The following GPC5 variants were observed in gnomAD, a reference collection of about 807,000 sequenced individuals.
GPC5 encodes glypican 5.
GPC5 carries 47 observed loss-of-function variants against 53.9 expected under a neutral mutation model. The observed-to-expected ratio is 0.87, with a 90% CI of 0.69 to 1.11. The LOEUF (loss-of-function observed/expected upper bound fraction) is 1.11, where lower values mean the gene tolerates loss of function less well. Among genes scored for constraint, GPC5 ranks in the 50% most tolerant of loss-of-function variants. The probability of loss-of-function intolerance (pLI) is 0.00; values close to 1 mark genes in which losing one functional copy is unlikely to be tolerated. For synonymous variants in GPC5, 286 were observed against 263.3 expected, an observed-to-expected ratio of 1.09 and a Z score of -0.84; for missense variants, 748 against 713.1, an observed-to-expected ratio of 1.05 and a Z score of -0.56.
At chr13:91,515,416 T>C (rs1885445882) in intron 2 of GPC5, among the ~76,000 whole-genome samples, 1 of 152,178 alleles carries the variant, frequency 6.6e-6, no homozygotes, top group Non-Finnish European at 1.5e-5. Flanking sequence ...GTGCCAGGCA[T>C]CTTCCTCTTG....
chr13:91,727,143 A>T (rs368068101), intron 3 of GPC5, among the ~76,000 whole-genome samples: 1 of 152,232 alleles, frequency 6.6e-6, no homozygotes, highest in Non-Finnish European at 1.5e-5. Context: ...AACTGTGTAC[A>T]TGAGGCCATG....
chr13:92,719,744 C>A (rs896478373), intron 7 of GPC5, among the ~76,000 whole-genome samples: 3 of 152,044 alleles, frequency 2.0e-5, no homozygotes, highest in Admixed American at 2.0e-4. Flanking sequence ...CATAAATCAA[C>A]GTCACATATT....
chr13:92,693,346 T>A (rs541328764), intron 7 of GPC5, among the ~76,000 whole-genome samples: 1 of 152,164 alleles, frequency 6.6e-6, no homozygotes, highest in African/African-American at 2.4e-5. Flanking sequence ...CATAATAAGA[T>A]AGGAGGATGT....
At chr13:92,487,855 A>AAAAG (rs1555338272) in intron 7 of GPC5, among the ~76,000 whole-genome samples, 2 of 146,096 alleles carry the variant, frequency 1.4e-5, no homozygotes, top group African/African-American at 5.1e-5. Context: ...AAAAAAAAAA[A>AAAAG]AAAAAGAAAG....
chr13:91,803,480 T>C (rs941090751), intron 5 of GPC5, among the ~76,000 whole-genome samples: 2 of 152,080 alleles, frequency 1.3e-5, no homozygotes, highest in African/African-American at 4.8e-5. Context: ...TGTATGTGTG[T>C]ATGTATTGGT....
At chr13:92,340,918 T>C (rs1013536521) in intron 7 of GPC5, among the ~76,000 whole-genome samples, 1 of 152,132 alleles carries the variant, frequency 6.6e-6, no homozygotes, top group Non-Finnish European at 1.5e-5. Flanking sequence ...TCAAAAATAT[T>C]ATCTAATGAA....
At chr13:92,865,515 G>A (rs188432527) in intron 7 of GPC5, among the ~76,000 whole-genome samples, 2 of 152,236 alleles carry the variant, frequency 1.3e-5, no homozygotes, top group Non-Finnish European at 2.9e-5. Flanking sequence ...GGGGAAGGGA[G>A]GGGAGATGGT....
chr13:91,935,472 AG>A (rs1049260627), intron 6 of GPC5, among the ~76,000 whole-genome samples: 1 of 152,008 alleles, frequency 6.6e-6, no homozygotes. Context: ...ATGAAGCAGA[AG>A]GGTGGCCCTT....
chr13:92,849,256 GTCTC>G (rs1199073149), intron 7 of GPC5, among the ~76,000 whole-genome samples: 5 of 152,006 alleles, frequency 3.3e-5, no homozygotes, highest in Admixed American at 1.3e-4. Flanking sequence ...AGCAATGACT[GTCTC>G]TCTGTATTTT....
intron 7 of GPC5, among the ~76,000 whole-genome samples, chr13:92,389,307 C>A (rs1874889581): frequency 6.6e-6 from 1 of 152,088 alleles, no homozygotes; most frequent in Non-Finnish European, 1.5e-5. Context: ...CCCTTTGGAA[C>A]AATGAGTTCT....
chr13:92,058,064 G>T (rs188818200), intron 6 of GPC5, among the ~76,000 whole-genome samples: 71 of 152,318 alleles, frequency 4.7e-4, no homozygotes, highest in Non-Finnish European at 9.3e-4. Context: ...TTCTGACTAT[G>T]AATTCCAGAG....
intron 7 of GPC5, among the ~76,000 whole-genome samples, chr13:92,534,802 C>T (rs377093517): frequency 3.3e-5 from 5 of 151,986 alleles, no homozygotes; most frequent in African/African-American, 4.8e-5. Flanking sequence ...AAACAATTCA[C>T]GAATGGTACA....
rs1374477821 is a variant in GPC5, at chr13:92,483,530, T to C, written c.1561+338541T>C. Among the ~76,000 whole-genome samples, 4 of 152,080 alleles carry C rather than the reference T, an allele frequency of 2.6e-5. 1 individual carries two copies. In the South Asian group the frequency reaches 6.2e-4, roughly 24 times the overall value. ...AAGTTACTGTGGGTGAGTCAGTGAG[T>C]GGTGAGTGAATGTGAAGGCCGAGAA... On this transcript the variant is annotated intron_variant, in intron 7 of 7. Transcript: ENST00000377067.
At chr13:91,988,160 G>A (rs997891265) in intron 6 of GPC5, among the ~76,000 whole-genome samples, 8 of 151,482 alleles carry the variant, frequency 5.3e-5, no homozygotes, top group Non-Finnish European at 1.0e-4. Context: ...TGAAAGAGAG[G>A]CAGAAGCCTT....
At chr13:92,171,372 T>TAC (rs201984039) in intron 7 of GPC5, among the ~76,000 whole-genome samples, 48 of 151,472 alleles carry the variant, frequency 3.2e-4, no homozygotes, top group Non-Finnish European at 5.3e-4. Flanking sequence ...ATAAATATAC[T>TAC]ACACACACAC....
rs550029805 is a variant in GPC5, at chr13:92,215,949, G to C, written c.1561+70960G>C. Among the ~76,000 whole-genome samples the C allele has an allele frequency of 1.7e-4, 26 of 152,286 alleles. 1 individual carries two copies. The Middle Eastern group carries it at 0.014, about 80-fold the overall frequency. On this transcript the variant is annotated intron_variant, in intron 7 of 7. Coordinates refer to ENST00000377067, the MANE Select transcript of GPC5 (RefSeq NM_004466.6). ...CTTTGATGTGATGATTTATAGGACA[G>C]TGCATGGTGAGAGGGTCTGGGAATG...
chr13:91,820,278 T>C (rs569537127), intron 5 of GPC5, among the ~76,000 whole-genome samples: 3 of 152,336 alleles, frequency 2.0e-5, no homozygotes, highest in African/African-American at 7.2e-5. Flanking sequence ...TTTGTGTTTT[T>C]TGGGAGGCTT....
At chr13:92,057,347 G>A (rs2041083578) in intron 6 of GPC5, among the ~76,000 whole-genome samples, 2 of 152,114 alleles carry the variant, frequency 1.3e-5, no homozygotes, top group Non-Finnish European at 1.5e-5. Context: ...AAAGCTTCCA[G>A]CCTAAAACAG....
intron 1 of GPC5, among the ~76,000 whole-genome samples, chr13:91,401,096 T>C (rs1193073652): frequency 6.6e-6 from 1 of 152,128 alleles, no homozygotes; most frequent in Admixed American, 6.5e-5. Context: ...TGAAAAGAAA[T>C]GCTAAGTTCC....
Sources: gnomAD v4.1 joint callset for allele counts (sites outside exome capture counted in the v4.1 genomes callset) on GRCh38, gnomAD v4.1.1 for gene constraint, MANE v1.5 for transcripts, NCBI Gene and HGNC (gene_info 2026-07-23, HGNC 2026-07-21) for gene names.